The following PRIM2 variants were observed in gnomAD, a reference collection of about 807,000 sequenced individuals.
The protein encoded by PRIM2 is DNA primase large subunit.
In PRIM2, 39 loss-of-function variants were observed where a neutral mutation model predicts 67.3. That is an observed-to-expected ratio of 0.58 (90% CI 0.45 to 0.76). The LOEUF is 0.76. Among genes scored for constraint, PRIM2 ranks in the 30% least tolerant of loss-of-function variants. The pLI is 0.00. For synonymous variants in PRIM2, 143 were observed against 198.7 expected (o/e 0.72, Z 2.36); for missense variants, 398 against 598.7 (o/e 0.66, Z 3.50).
the PRIM2 span, among the ~76,000 whole-genome samples, chr6:57,257,755 GAATA>G: frequency 6.6e-6 from 1 of 152,244 alleles, no homozygotes; most frequent in Non-Finnish European, 1.5e-5. Context: ...TGTAAAATGG[GAATA>G]ATATCATCTG....
At chr6:57,428,032 A>G (rs1195381902) in intron 7 of PRIM2, among the ~76,000 whole-genome samples, 4 of 152,144 alleles carry the variant, frequency 2.6e-5, no homozygotes, top group Non-Finnish European at 4.4e-5. Flanking sequence ...ACATTTAGAC[A>G]GGAGAGAAGC....
At chr6:57,525,507 C>T (rs1774729785) in intron 8 of PRIM2, among the ~76,000 whole-genome samples, 1 of 152,138 alleles carries the variant, frequency 6.6e-6, no homozygotes, top group African/African-American at 2.4e-5. Flanking sequence ...TGTCATCTTC[C>T]TTTGATCCCA....
At chr6:57,228,292 A>G in the PRIM2 span, among the ~76,000 whole-genome samples, 2 of 152,228 alleles carry the variant, frequency 1.3e-5, no homozygotes, top group Non-Finnish European at 2.9e-5. Context: ...TTCCATGTGC[A>G]TCAGGTATGA....
At chr6:57,346,185 G>A (rs1768670945) in intron 5 of PRIM2, among the ~76,000 whole-genome samples, 1 of 152,142 alleles carries the variant, frequency 6.6e-6, no homozygotes, top group Non-Finnish European at 1.5e-5. Context: ...TGGGAATGCA[G>A]CCCATCAAGT....
intron 5 of PRIM2, among the ~76,000 whole-genome samples, chr6:57,363,717 T>C (rs1203209245): frequency 6.6e-6 from 1 of 152,212 alleles, no homozygotes; most frequent in African/African-American, 2.4e-5. Context: ...GATTTAAATA[T>C]TCTGTTTGTC....
intron 10 of PRIM2, among the ~76,000 whole-genome samples, chr6:57,542,939 A>ATTTTTTTTTTTTTTT (rs1193756482): frequency 0.049 from 3,534 of 71,592 alleles, 861 homozygotes; most frequent in African/African-American, 0.088. Flanking sequence ...TGCTTATAGG[A>ATTTTTTTTTTTTTTT]TTTTTTTTTT....
chr6:57,272,567 T>A, the PRIM2 span, among the ~76,000 whole-genome samples: 1 of 152,240 alleles, frequency 6.6e-6, no homozygotes, highest in East Asian at 1.9e-4. Context: ...TGATGGTTCT[T>A]GACTCTTTAT....
At chr6:57,630,573 A>G (rs1211602563) in intron 12 of PRIM2, among the ~76,000 whole-genome samples, 1 of 151,750 alleles carries the variant, frequency 6.6e-6, no homozygotes, top group Non-Finnish European at 1.5e-5. Flanking sequence ...TATACATACT[A>G]GATTGTATGT....
intron 7 of PRIM2, among the ~76,000 whole-genome samples, chr6:57,424,673 C>T (rs1408983355): frequency 7.9e-5 from 12 of 151,962 alleles, no homozygotes; most frequent in South Asian, 4.2e-4. Context: ...TAAGGAGGAT[C>T]ATATTTATAT....
At chr6:57,495,503 A>G (rs1773982863) in intron 7 of PRIM2, among the ~76,000 whole-genome samples, 2 of 152,346 alleles carry the variant, frequency 1.3e-5, no homozygotes, top group East Asian at 3.9e-4. Flanking sequence ...CATAAACATT[A>G]GAGGTATGTT....
At chr6:57,227,902 A>AT in the PRIM2 span, among the ~76,000 whole-genome samples, 2 of 152,160 alleles carry the variant, frequency 1.3e-5, no homozygotes. Flanking sequence ...ACTTGTGCTA[A>AT]TACTTGTGCA....
chr6:57,618,183 A>G (rs1405628715), intron 12 of PRIM2, among the ~76,000 whole-genome samples: 1 of 152,172 alleles, frequency 6.6e-6, no homozygotes, highest in Non-Finnish European at 1.5e-5. Flanking sequence ...GAATCTTCCA[A>G]TTTTGTTCTT....
intron 7 of PRIM2, among the ~76,000 whole-genome samples, chr6:57,390,507 C>T (rs1770303204): frequency 6.6e-6 from 1 of 151,982 alleles, no homozygotes; most frequent in Non-Finnish European, 1.5e-5. Flanking sequence ...ACTCAGTACC[C>T]AATAGTTACC....
At chr6:57,623,987 C>T (rs1237305438) in intron 12 of PRIM2, among the ~76,000 whole-genome samples, 2 of 152,096 alleles carry the variant, frequency 1.3e-5, no homozygotes, top group African/African-American at 4.8e-5. Context: ...TAAATCAGTA[C>T]ATGATACATC....
chr6:57,482,618 A>T (rs1287184750), intron 7 of PRIM2, among the ~76,000 whole-genome samples: 10 of 152,190 alleles, frequency 6.6e-5, no homozygotes, highest in Non-Finnish European at 1.5e-5. Flanking sequence ...AAACGTTTAT[A>T]TAAAGAGAAA....
chr6:57,353,459 C>T (rs1369588697), intron 5 of PRIM2, among the ~76,000 whole-genome samples: 4 of 152,182 alleles, frequency 2.6e-5, no homozygotes, highest in Admixed American at 6.5e-5. Context: ...CTGTATACCA[C>T]TTAAAATGGA....
chr6:57,460,152 G>T (rs74318183), intron 7 of PRIM2, among the ~76,000 whole-genome samples: 3 of 151,044 alleles, frequency 2.0e-5, no homozygotes, highest in African/African-American at 7.3e-5. Flanking sequence ...CAGACCAGGG[G>T]TCTATTTTTT....
intron 11 of PRIM2, among the ~76,000 whole-genome samples, chr6:57,602,311 A>G (rs1253198315): frequency 2.0e-5 from 3 of 152,268 alleles, no homozygotes; most frequent in Non-Finnish European, 4.4e-5. Context: ...TTGGCCTCCC[A>G]AAGTGCTAGG....
intron 11 of PRIM2, among the ~76,000 whole-genome samples, chr6:57,603,493 A>G (rs1211220198): frequency 0.32 from 48,744 of 151,594 alleles, 7,821 homozygotes; most frequent in East Asian, 0.46. Flanking sequence ...GATAGTTGTA[A>G]GTATGCTGTC....
Sources: gnomAD v4.1 joint callset for allele counts (sites outside exome capture counted in the v4.1 genomes callset) on GRCh38, gnomAD v4.1.1 for gene constraint, MANE v1.5 for transcripts, NCBI Gene and HGNC (gene_info 2026-07-23, HGNC 2026-07-21) for gene names.